LRRFIP2: variants seen among roughly 807,000 people sequenced by gnomAD.
LRRFIP2 encodes leucine-rich repeat flightless-interacting protein 2.
Under a neutral mutation model 125.9 loss-of-function variants are expected in LRRFIP2, and 109 were observed. The observed-to-expected ratio is 0.87, with a 90% CI of 0.74 to 1.01. LRRFIP2 has a LOEUF of 1.01. Ranked by LOEUF, LRRFIP2 falls within the 50% of genes least tolerant of loss-of-function variation. The pLI is 0.00. For missense variants in LRRFIP2, 850 were observed against 862.3 expected, an observed-to-expected ratio of 0.99 and a Z score of 0.18; for synonymous variants, 291 against 293.1, an observed-to-expected ratio of 0.99 and a Z score of 0.07.
chr3:37,135,195 T>C (rs959869919), intron 2 of LRRFIP2: 4 of 851,268 alleles, frequency 4.7e-6, no homozygotes, highest in Non-Finnish European at 7.4e-6. Context: ...GCACGTTGGC[T>C]CACACCTGTA....
intron 19 of LRRFIP2, among the ~76,000 whole-genome samples, chr3:37,080,751 C>CAT (rs1042139109): frequency 6.6e-6 from 1 of 151,982 alleles, no homozygotes; most frequent in African/African-American, 2.4e-5. Context: ...GTTTCTTCAA[C>CAT]ATATATATTA....
At chr3:37,123,082 A>ATTT (rs2095125873) in intron 4 of LRRFIP2, among the ~76,000 whole-genome samples, 1 of 152,256 alleles carries the variant, frequency 6.6e-6, no homozygotes, top group African/African-American at 2.4e-5. Flanking sequence ...CCTTGACCAA[A>ATTT]TGTATGCTGA....
intron 6 of LRRFIP2, among the ~76,000 whole-genome samples, chr3:37,117,031 T>C (rs779409847): frequency 4.6e-5 from 7 of 151,650 alleles, no homozygotes; most frequent in Non-Finnish European, 7.4e-5. Flanking sequence ...TGTGTAGTAG[T>C]AAAATGTCAC....
Position 37,058,777 on chromosome 3 carries a change from C to T in LRRFIP2, c.1870+13G>A, listed in dbSNP as rs1310107145. On this transcript the variant is annotated intron_variant, in intron 25 of 27. Coordinates refer to ENST00000336686, the MANE Select transcript of LRRFIP2 (RefSeq NM_006309.4). ...ATATACAGACTGGGACTGGCCTGTCCCCTGGTACCTACTCTGCATTTCGAT... is the reference window on the plus strand; with the variant it reads ...ATATACAGACTGGGACTGGCCTGTCTCCTGGTACCTACTCTGCATTTCGAT... 5 of 1,613,854 alleles carry T rather than the reference C, an allele frequency of 3.1e-6. No individual in the cohort carries two copies. Among genetic ancestry groups the T allele is most frequent in the Middle Eastern group, 1.7e-4 (1 of 6,058 alleles).
At chr3:37,147,262 A>G (rs2095878776) in intron 2 of LRRFIP2, among the ~76,000 whole-genome samples, 1 of 152,192 alleles carries the variant, frequency 6.6e-6, no homozygotes, top group South Asian at 2.1e-4. Flanking sequence ...GTTGGTGAGA[A>G]TGTTAGTTAG....
chr3:37,137,759 C>T (rs1428492249), intron 2 of LRRFIP2, among the ~76,000 whole-genome samples: 4 of 152,184 alleles, frequency 2.6e-5, no homozygotes, highest in Non-Finnish European at 4.4e-5. Context: ...ACTTACATTT[C>T]TAACATCTAT....
intron 20 of LRRFIP2, among the ~76,000 whole-genome samples, chr3:37,073,491 T>C (rs1339931165): frequency 6.6e-6 from 1 of 152,152 alleles, no homozygotes; most frequent in Non-Finnish European, 1.5e-5. Flanking sequence ...TTATGCATTA[T>C]TGGTAAATTA....
At chr3:37,115,187 C>T (rs1012424596) in intron 6 of LRRFIP2, 92 bp from the exon 7 acceptor site, 1 of 839,684 alleles carries the variant, frequency 1.2e-6, no homozygotes, top group Non-Finnish European at 1.9e-6. Flanking sequence ...TTTTAAAAAT[C>T]CAGCACTATT....
At chr3:37,078,495 T>C (rs1009905431) in intron 19 of LRRFIP2, among the ~76,000 whole-genome samples, 3 of 152,184 alleles carry the variant, frequency 2.0e-5, no homozygotes, top group African/African-American at 4.8e-5. Flanking sequence ...CTAGGAATTG[T>C]AGTGTAGGGG....
At chr3:37,092,976 T>C (rs2093538499) in intron 17 of LRRFIP2, among the ~76,000 whole-genome samples, 1 of 152,104 alleles carries the variant, frequency 6.6e-6, no homozygotes, top group African/African-American at 2.4e-5. Context: ...GTAGCTGTGA[T>C]TACAGGTGGC....
At chr3:37,153,684 A>T (rs2096094169) in intron 1 of LRRFIP2, among the ~76,000 whole-genome samples, 1 of 152,202 alleles carries the variant, frequency 6.6e-6, no homozygotes, top group African/African-American at 2.4e-5. Context: ...TCCAAACAAA[A>T]TGGTTTCAAC....
At chr3:37,100,374 A>G (rs930805714) in intron 15 of LRRFIP2, among the ~76,000 whole-genome samples, 11 of 149,832 alleles carry the variant, frequency 7.3e-5, no homozygotes, top group South Asian at 2.1e-4. Flanking sequence ...ATACATACAT[A>G]CATGTATACA....
At chr3:37,161,301 G>A (rs1202266624) in intron 1 of LRRFIP2, among the ~76,000 whole-genome samples, 1 of 151,890 alleles carries the variant, frequency 6.6e-6, no homozygotes, top group Non-Finnish European at 1.5e-5. Context: ...GTTACAGTGA[G>A]CCAAGATCGC....
intron 21 of LRRFIP2, among the ~76,000 whole-genome samples, chr3:37,069,476 T>C (rs759281166): frequency 6.6e-6 from 1 of 152,204 alleles, no homozygotes. Context: ...TACTGTATGA[T>C]TCCACTTACA....
At chr3:37,122,959 C>A (rs1187565376) in intron 4 of LRRFIP2, among the ~76,000 whole-genome samples, 1 of 152,190 alleles carries the variant, frequency 6.6e-6, no homozygotes, top group Non-Finnish European at 1.5e-5. Flanking sequence ...TGTGTGCTGA[C>A]TGAAAATCTA....
At chr3:37,098,836 C>G (rs958219882) in intron 15 of LRRFIP2, among the ~76,000 whole-genome samples, 3 of 152,142 alleles carry the variant, frequency 2.0e-5, no homozygotes, top group African/African-American at 7.2e-5. Flanking sequence ...ACTGCCTTAT[C>G]TTCCTGAGTA....
chr3:37,118,335 T>A (rs774561821), intron 6 of LRRFIP2, among the ~76,000 whole-genome samples: 5 of 152,216 alleles, frequency 3.3e-5, no homozygotes, highest in Non-Finnish European at 5.9e-5. Flanking sequence ...AGTGCTGGGA[T>A]GAAAGGCGTG....
chr3:37,061,097 A>G (rs769459276), intron 24 of LRRFIP2, among the ~76,000 whole-genome samples: 1 of 152,136 alleles, frequency 6.6e-6, no homozygotes, highest in African/African-American at 2.4e-5. Context: ...TGGTTGTTTA[A>G]GAGTGTATGT....
intron 19 of LRRFIP2, among the ~76,000 whole-genome samples, chr3:37,079,076 A>C (rs2092394088): frequency 6.6e-6 from 1 of 152,128 alleles, no homozygotes; most frequent in Non-Finnish European, 1.5e-5. Flanking sequence ...TTATATCTAG[A>C]ATATATAAAC....
Sources: gnomAD v4.1 joint callset for allele counts (sites outside exome capture counted in the v4.1 genomes callset) on GRCh38, gnomAD v4.1.1 for gene constraint, MANE v1.5 for transcripts, NCBI Gene and HGNC (gene_info 2026-07-23, HGNC 2026-07-21) for gene names.